Variants in RASGEF1C observed in about 807,000 individuals in gnomAD.
RASGEF1C encodes RasGEF domain family member 1C.
Under a neutral mutation model 58.1 loss-of-function variants are expected in RASGEF1C, and 27 were observed. That is an observed-to-expected ratio of 0.46 (90% CI 0.34 to 0.64). The LOEUF (loss-of-function observed/expected upper bound fraction) is 0.64, where lower values mean the gene tolerates loss of function less well. RASGEF1C is among the 30% of genes least tolerant of loss of function. The pLI, the probability that RASGEF1C is intolerant of heterozygous loss-of-function variation, is 0.01. For missense variants in RASGEF1C, 502 were observed against 605.1 expected (o/e 0.83, Z 1.79); for synonymous variants, 243 against 246.3 (o/e 0.99, Z 0.13).
At chr5:180,115,783 A>G (rs1766054999) in intron 10 of RASGEF1C, among the ~76,000 whole-genome samples, 1 of 152,088 alleles carries the variant, frequency 6.6e-6, no homozygotes, top group African/African-American at 2.4e-5. Flanking sequence ...CACAGCAGTG[A>G]GCAGCGGAAG....
chr5:180,117,855 A>G (rs1047798086), intron 10 of RASGEF1C, among the ~76,000 whole-genome samples: 2 of 152,050 alleles, frequency 1.3e-5, no homozygotes, highest in African/African-American at 4.8e-5. Flanking sequence ...TTAGCCGGGC[A>G]TGGTAGCATG....
chr5:180,141,554 T>C (rs1323361303), intron 1 of RASGEF1C, among the ~76,000 whole-genome samples: 2 of 152,036 alleles, frequency 1.3e-5, no homozygotes, highest in East Asian at 1.9e-4. Context: ...TGCCAGGGGC[T>C]GGGGGTGGGA....
intron 11 of RASGEF1C, among the ~76,000 whole-genome samples, chr5:180,113,231 G>GGGATGGACGGAGGGACCGA (rs1179634719): frequency 2.0e-5 from 1 of 50,610 alleles, no homozygotes. Context: ...GGAGGGACAG[G>GGGATGGACGGAGGGACCGA]GGATGGACGG....
At chr5:180,173,534 A>C (rs1055225582) in intron 1 of RASGEF1C, among the ~76,000 whole-genome samples, 1 of 152,250 alleles carries the variant, frequency 6.6e-6, no homozygotes, top group African/African-American at 2.4e-5. Flanking sequence ...AAGGTCTGGA[A>C]AATCTTAAAT....
At chr5:180,190,240 C>T (rs1756123024) in intron 1 of RASGEF1C, among the ~76,000 whole-genome samples, 1 of 151,934 alleles carries the variant, frequency 6.6e-6, no homozygotes, top group South Asian at 2.1e-4. Context: ...GTAATCCCAG[C>T]ATTTTGGGAG....
chr5:180,204,009 A>G (rs868077017), intron 1 of RASGEF1C, among the ~76,000 whole-genome samples: 11 of 6,340 alleles, frequency 1.7e-3, no homozygotes, highest in South Asian at 4.0e-3. Context: ...CAAACAAACA[A>G]ACAACAACAA....
intron 1 of RASGEF1C, among the ~76,000 whole-genome samples, chr5:180,141,843 G>A (rs934876098): frequency 9.2e-5 from 14 of 151,958 alleles, no homozygotes; most frequent in African/African-American, 3.4e-4. Context: ...CCAAGTAGCT[G>A]GGATTACAGG....
chr5:180,121,548 C>T (rs1249550646), intron 6 of RASGEF1C, among the ~76,000 whole-genome samples: 2 of 151,974 alleles, frequency 1.3e-5, no homozygotes, highest in South Asian at 2.1e-4. Context: ...CTCCTGACCT[C>T]GTGATCCGCC....
intron 1 of RASGEF1C, among the ~76,000 whole-genome samples, chr5:180,174,492 G>A (rs868449850): frequency 2.0e-4 from 8 of 40,824 alleles, no homozygotes; most frequent in African/African-American, 5.0e-4. Flanking sequence ...GTGTGTGCGC[G>A]TGTGTGTCTG....
At chr5:180,117,473 A>G (rs1379234072) in intron 10 of RASGEF1C, among the ~76,000 whole-genome samples, 1 of 152,170 alleles carries the variant, frequency 6.6e-6, no homozygotes, top group Non-Finnish European at 1.5e-5. Flanking sequence ...GATCCCACCA[A>G]TGTTCCCGCA....
At chr5:180,159,224 T>C (rs1408843873) in intron 1 of RASGEF1C, among the ~76,000 whole-genome samples, 13 of 151,936 alleles carry the variant, frequency 8.6e-5, no homozygotes, top group Admixed American at 4.6e-4. Flanking sequence ...ACTGCAACCT[T>C]TGCCTCCCAG....
At chr5:180,175,726 G>A (rs186704877) in intron 1 of RASGEF1C, among the ~76,000 whole-genome samples, 25 of 152,352 alleles carry the variant, frequency 1.6e-4, no homozygotes, top group African/African-American at 4.6e-4. Flanking sequence ...AGGGCCGGGC[G>A]CGGTGGCTCA....
chr5:180,127,400 C>T (rs1582269987), intron 6 of RASGEF1C, among the ~76,000 whole-genome samples: 1 of 152,242 alleles, frequency 6.6e-6, no homozygotes, highest in Non-Finnish European at 1.5e-5. Context: ...ACGTCCCGCA[C>T]GTCCAGGCTT....
chr5:180,183,851 G>T (rs1581125052), intron 1 of RASGEF1C, among the ~76,000 whole-genome samples: 2 of 144,244 alleles, frequency 1.4e-5, no homozygotes, highest in African/African-American at 2.7e-5. Flanking sequence ...TAAATAAATA[G>T]ATTTCAGAAT....
chr5:180,188,300 C>T (rs1460879484), intron 1 of RASGEF1C, among the ~76,000 whole-genome samples: 1 of 152,190 alleles, frequency 6.6e-6, no homozygotes, highest in Non-Finnish European at 1.5e-5. Context: ...GGAAAGAACA[C>T]AGGCTGCTGG....
At position 180,137,153 on chromosome 5, in the gene RASGEF1C, G is replaced by C. The variant is rs1008063824; in HGVS notation, c.300+437C>G. Among the ~76,000 whole-genome samples, 1 of 152,176 alleles carries C rather than the reference G, an allele frequency of 6.6e-6. No individual in the cohort carries two copies. The highest frequency in any genetic ancestry group is 2.4e-5 in the African/African-American group (1 of 41,444). On this transcript the variant is annotated intron_variant, in intron 3 of 13. Coordinates refer to ENST00000361132, the MANE Select transcript of RASGEF1C (RefSeq NM_175062.4). This position sits in a 1 kb window ranked among gnomAD's most constrained non-coding sequence, Gnocchi z 4.1. Reference sequence around the variant, plus strand: ...TAGGGCAGGTACACGGGCCAGCTAAGTCCTTTTGGTTCAGGCGGGTTGAAG... The same window carrying C: ...TAGGGCAGGTACACGGGCCAGCTAACTCCTTTTGGTTCAGGCGGGTTGAAG...
At chr5:180,179,807 C>A (rs1260806404) in intron 1 of RASGEF1C, among the ~76,000 whole-genome samples, 1 of 152,222 alleles carries the variant, frequency 6.6e-6, no homozygotes. Flanking sequence ...ACGTACATCT[C>A]CGTGTACCCA....
At position 180,198,108 on chromosome 5, in the gene RASGEF1C, G is replaced by A. The variant is rs1319683095; in HGVS notation, c.-7+10920C>T. On this transcript the variant is annotated intron_variant, in intron 1 of 13. Coordinates refer to ENST00000361132, the MANE Select transcript of RASGEF1C (RefSeq NM_175062.4). The surrounding 1 kb of genome is among the most constrained non-coding windows in gnomAD (Gnocchi z 4.5). ...GACGCTTCCTGGACAGGCTTATGGG[G>A]CGTGGCAGTTTGGGGCACCATTGGT... Among the ~76,000 whole-genome samples the A allele has an allele frequency of 2.0e-5, 3 of 152,198 alleles. No homozygotes were observed. Among genetic ancestry groups the A allele is most frequent in the Non-Finnish European group, 4.4e-5 (3 of 68,038 alleles).
intron 5 of RASGEF1C, among the ~76,000 whole-genome samples, 194 bp downstream of exon 5, chr5:180,128,216 C>G (rs1283846705): frequency 2.6e-5 from 4 of 152,192 alleles, no homozygotes; most frequent in African/African-American, 9.6e-5. Context: ...AAGGGAAGAA[C>G]CCGCCCCAGC....
Sources: allele counts gnomAD v4.1 joint callset (sites outside exome capture counted in the v4.1 genomes callset), GRCh38; gene constraint gnomAD v4.1.1; non-coding constraint Gnocchi (gnomAD v3.1); transcripts MANE v1.5; gene names NCBI Gene and HGNC (gene_info 2026-07-23, HGNC 2026-07-21).